The following PTCHD4 variants were observed in gnomAD, a reference collection of about 807,000 sequenced individuals.
PTCHD4 encodes patched domain-containing protein 4.
Under a neutral mutation model 58.1 loss-of-function variants are expected in PTCHD4, and 33 were observed. The ratio of observed to expected loss-of-function variants is 0.57; its 90% confidence interval spans 0.43 to 0.76. The LOEUF (loss-of-function observed/expected upper bound fraction) is 0.76, where lower values mean the gene tolerates loss of function less well. PTCHD4 is among the 30% of genes least tolerant of loss of function. The pLI, the probability that PTCHD4 is intolerant of heterozygous loss-of-function variation, is 0.00. For synonymous variants in PTCHD4, 478 were observed against 409.6 expected (o/e 1.17, Z -2.02); for missense variants, 1,058 against 1,027.1 (o/e 1.03, Z -0.41).
chr6:48,038,195 G>A (rs905501533), intron 3 of PTCHD4, among the ~76,000 whole-genome samples: 2 of 147,904 alleles, frequency 1.4e-5, no homozygotes, highest in South Asian at 2.2e-4. Context: ...TAAATTATCC[G>A]TGTCTCCTGA....
chr6:47,968,804 T>G (rs890445156), intron 4 of PTCHD4, among the ~76,000 whole-genome samples: 1 of 152,108 alleles, frequency 6.6e-6, no homozygotes, highest in African/African-American at 2.4e-5. Flanking sequence ...AAGGAAAACT[T>G]TATAATGAAA....
In PTCHD4 at chr6:48,094,400, T is replaced by A. The variant is rs1005653269; in HGVS notation, c.-970+16649A>T. ...GATAATTTTCTGCTGGGTTGATAGATAAGGGGAAGAAAGAGGATACAGGGT... is the reference window on the plus strand; with the variant it reads ...GATAATTTTCTGCTGGGTTGATAGAAAAGGGGAAGAAAGAGGATACAGGGT... On this transcript the variant is annotated intron_variant, in intron 1 of 4. Transcript: ENST00000339488. Among the ~76,000 whole-genome samples the A allele has an allele frequency of 1.4e-4, 22 of 152,132 alleles. No individual in the cohort carries two copies. The East Asian group carries it at 4.2e-3, about 29-fold the overall frequency.
chr6:47,998,795 A>G (rs1768600128), intron 4 of PTCHD4, among the ~76,000 whole-genome samples: 1 of 152,174 alleles, frequency 6.6e-6, no homozygotes, highest in African/African-American at 2.4e-5. Flanking sequence ...GTCTCACTTC[A>G]TTAGAAAGGT....
At chr6:47,996,838 G>T (rs561478833) in intron 4 of PTCHD4, among the ~76,000 whole-genome samples, 21 of 152,242 alleles carry the variant, frequency 1.4e-4, no homozygotes, top group Admixed American at 7.8e-4. Context: ...TTGTTTAAAA[G>T]CCATTGATTT....
intron 4 of PTCHD4, among the ~76,000 whole-genome samples, chr6:47,967,603 CTTG>C (rs927566664): frequency 6.6e-6 from 1 of 152,170 alleles, no homozygotes; most frequent in African/African-American, 2.4e-5. Context: ...CATTGAAAAA[CTTG>C]TTGTTTAGTG....
intron 4 of PTCHD4, among the ~76,000 whole-genome samples, chr6:47,946,243 T>C (rs1766414062): frequency 6.6e-6 from 1 of 152,130 alleles, no homozygotes; most frequent in South Asian, 2.1e-4. Flanking sequence ...AAATATTCCA[T>C]TATTACTGCT....
chr6:47,992,560 A>T (rs1324301454), intron 4 of PTCHD4, among the ~76,000 whole-genome samples: 2 of 152,218 alleles, frequency 1.3e-5, no homozygotes, highest in Non-Finnish European at 2.9e-5. Context: ...GGTTTTATAC[A>T]GTTTCTGCAC....
chr6:48,016,304 A>T (rs1383099807), intron 3 of PTCHD4, among the ~76,000 whole-genome samples: 1 of 152,022 alleles, frequency 6.6e-6, no homozygotes, highest in Admixed American at 6.6e-5. Flanking sequence ...AAGCCTTATT[A>T]AGGAGTTGGA....
intron 1 of PTCHD4, among the ~76,000 whole-genome samples, chr6:48,084,498 A>C (rs1562043930): frequency 6.6e-6 from 1 of 152,202 alleles, no homozygotes; most frequent in Non-Finnish European, 1.5e-5. Context: ...GTGTACATCT[A>C]GTTAATTGTT....
In PTCHD4 at chr6:47,879,953, A is replaced by C. The variant is rs1437930883; in HGVS notation, c.899-17T>G. ...TTCCATGACCTAATGTTTTAAAAAA[A>C]GAAAATAATAATTATTTTTATTTCC... On this transcript the variant is annotated splice_polypyrimidine_tract_variant and intron_variant, in intron 4 of 4. Coordinates refer to ENST00000339488, the MANE Select transcript of PTCHD4 (RefSeq NM_001384253.1). 4 of 1,460,590 alleles carry C rather than the reference A, an allele frequency of 2.7e-6. No individual in the cohort carries two copies. In the Admixed American group the frequency reaches 1.1e-4, roughly 40 times the overall value. 90.5% of individuals were successfully genotyped at this position (1,460,590 alleles called of 1,614,324 possible). A position where few individuals can be genotyped will look rare whatever the true frequency, so the allele number is the denominator to read the frequency against.
rs1160192382 is a variant in PTCHD4, at chr6:47,870,892, T to G, written c.*7411A>C. ...GGAGTGATAAATGAGGCTGTTTTCA[T>G]GAATGGGATGAACCTATATGTAATA... On this transcript the variant is annotated 3_prime_UTR_variant, in exon 5 of 5. Coordinates refer to ENST00000339488, the MANE Select transcript of PTCHD4 (RefSeq NM_001384253.1). 6.6e-6 allele frequency among the ~76,000 whole-genome samples: 1 copy of G among 151,616 alleles called. No individual in the cohort carries two copies. Among genetic ancestry groups the G allele is most frequent in the Non-Finnish European group, 1.5e-5 (1 of 67,696 alleles).
intron 4 of PTCHD4, among the ~76,000 whole-genome samples, chr6:47,947,715 G>A (rs1001100372): frequency 6.6e-5 from 10 of 151,968 alleles, no homozygotes; most frequent in Non-Finnish European, 1.0e-4. Flanking sequence ...TTTGTCTTTA[G>A]TGTTTTATAA....
intron 1 of PTCHD4, among the ~76,000 whole-genome samples, chr6:48,104,133 C>A (rs1765667586): frequency 6.6e-6 from 1 of 152,060 alleles, no homozygotes; most frequent in Non-Finnish European, 1.5e-5. Flanking sequence ...AAGAGCAACT[C>A]CAAGACACGT....
At chr6:47,902,063 G>A (rs1471182792) in intron 4 of PTCHD4, 7 of 461,422 alleles carry the variant, frequency 1.5e-5, no homozygotes, top group South Asian at 3.8e-5. Context: ...AACAACAACA[G>A]CAACCACATA....
intron 4 of PTCHD4, among the ~76,000 whole-genome samples, chr6:47,888,083 C>A (rs1468619930): frequency 6.6e-6 from 1 of 152,156 alleles, no homozygotes; most frequent in Non-Finnish European, 1.5e-5. Context: ...TAGGGACGGG[C>A]ATGGTGGATC....
chr6:48,110,545 G>A (rs1404246791), intron 1 of PTCHD4, among the ~76,000 whole-genome samples: 1 of 151,680 alleles, frequency 6.6e-6, no homozygotes, highest in Non-Finnish European at 1.5e-5. Context: ...AATAAGTCTA[G>A]AGATCAAATG....
At chr6:48,062,529 A>C (rs1426941350) in intron 3 of PTCHD4, among the ~76,000 whole-genome samples, 1 of 152,152 alleles carries the variant, frequency 6.6e-6, no homozygotes, top group Non-Finnish European at 1.5e-5. Context: ...AAAAGTACTT[A>C]TGAAAAATTT....
chr6:48,049,040 T>C (rs1339235215), intron 3 of PTCHD4, among the ~76,000 whole-genome samples: 4 of 151,964 alleles, frequency 2.6e-5, no homozygotes, highest in African/African-American at 9.7e-5. Context: ...ATTTTCTTGA[T>C]GGCTTGTGGG....
intron 3 of PTCHD4, among the ~76,000 whole-genome samples, chr6:48,054,947 G>A (rs543212744): frequency 3.0e-4 from 46 of 152,238 alleles, no homozygotes; most frequent in Non-Finnish European, 5.0e-4. Flanking sequence ...AATCTGCAGG[G>A]TGTATACTAA....
Sources: gnomAD v4.1 joint callset for allele counts (sites outside exome capture counted in the v4.1 genomes callset) on GRCh38, gnomAD v4.1.1 for gene constraint, MANE v1.5 for transcripts, NCBI Gene and HGNC (gene_info 2026-07-23, HGNC 2026-07-21) for gene names.